RTN4: variants seen among roughly 807,000 people sequenced by gnomAD.
The protein encoded by RTN4 is reticulon-4.
In RTN4, 32 loss-of-function variants were observed where a neutral mutation model predicts 90.4. That is an observed-to-expected ratio of 0.35 (90% CI 0.27 to 0.48). The LOEUF (loss-of-function observed/expected upper bound fraction) is 0.48. Among genes scored for constraint, RTN4 ranks in the 20% least tolerant of loss-of-function variants. The probability of loss-of-function intolerance (pLI) is 0.99; values close to 1 mark genes in which losing one functional copy is unlikely to be tolerated. For synonymous variants in RTN4, 629 were observed against 552.5 expected (o/e 1.14, Z -1.94); for missense variants, 1,706 against 1,430.2 (o/e 1.19, Z -3.11).
chr2:55,076,389 CTTTTTTTTTTTTT>C (rs58070912), intron 2 of RTN4, among the ~76,000 whole-genome samples: 1 of 64,630 alleles, frequency 1.5e-5, no homozygotes, highest in Non-Finnish European at 2.6e-5. Flanking sequence ...TTCTTTTGTT[CTTTTTTTTTTTTT>C]TTTTTTTTTT....
At chr2:54,987,340 G>C (rs952838492) in intron 4 of RTN4, 151 bp downstream of exon 4, 1 of 638,400 alleles carries the variant, frequency 1.6e-6, no homozygotes, top group Non-Finnish European at 2.7e-6. Context: ...AATCTCAAAA[G>C]CAGATGTTTT....
At chr2:54,981,160 T>G (rs1221584284) in intron 5 of RTN4, among the ~76,000 whole-genome samples, 2 of 152,074 alleles carry the variant, frequency 1.3e-5, no homozygotes, top group Non-Finnish European at 2.9e-5. Context: ...TAACTTAAGT[T>G]CCAAGTCATA....
At chr2:55,065,152 TACGGGAG>T (rs1250768667) in intron 2 of RTN4, among the ~76,000 whole-genome samples, 1 of 152,252 alleles carries the variant, frequency 6.6e-6, no homozygotes, top group East Asian at 1.9e-4. Context: ...TTCAGCATTC[TACGGGAG>T]TTTTTTCATA....
chr2:55,060,386 T>C (rs1267739337), intron 2 of RTN4, among the ~76,000 whole-genome samples: 4 of 152,256 alleles, frequency 2.6e-5, no homozygotes, highest in Non-Finnish European at 5.9e-5. Context: ...AGTTGTCATA[T>C]TTCAGTTATA....
the RTN4 span, among the ~76,000 whole-genome samples, chr2:55,119,818 G>C: frequency 6.6e-6 from 1 of 152,184 alleles, no homozygotes; most frequent in Non-Finnish European, 1.5e-5. Flanking sequence ...TAGGGCTGTT[G>C]AGAAAACGGG....
intron 5 of RTN4, among the ~76,000 whole-genome samples, chr2:54,978,834 A>G (rs1677881378): frequency 6.6e-6 from 1 of 152,182 alleles, no homozygotes; most frequent in Admixed American, 6.5e-5. Context: ...CTTCCCATAA[A>G]TTTAAAATCT....
chr2:55,035,404 A>T (rs761574801), intron 1 of RTN4, among the ~76,000 whole-genome samples: 2 of 150,796 alleles, frequency 1.3e-5, no homozygotes, highest in Non-Finnish European at 2.9e-5. Context: ...TGAATCAAAG[A>T]AAATAGGGGG....
At chr2:54,974,867 T>A in intron 5 of RTN4, 103 bp from the exon 6 acceptor site, 1 of 894,410 alleles carries the variant, frequency 1.1e-6, no homozygotes, top group Non-Finnish European at 1.8e-6. Flanking sequence ...ACAAAAGGCA[T>A]ACAACTTGAA....
intron 5 of RTN4, among the ~76,000 whole-genome samples, chr2:54,975,612 CTT>C (rs1472382834): frequency 2.6e-5 from 4 of 152,232 alleles, no homozygotes; most frequent in African/African-American, 9.6e-5. Context: ...ACCACCCACT[CTT>C]AGCTCCCACA....
At position 55,050,198 on chromosome 2, in the gene RTN4, C is replaced by G; in HGVS notation, c.103G>C (p.Glu35Gln). ...YQFVREPEDE[E>Q]EEEEEEEEDE... Reference sequence around the variant, plus strand: ...TCCTCTTCCTCCTCCTCTTCTTCCTCCTCGTCCTCGGGCTCCCTCACGAAC... The same window carrying G: ...TCCTCTTCCTCCTCCTCTTCTTCCTGCTCGTCCTCGGGCTCCCTCACGAAC... Residue 35 changes from glutamate (E) to glutamine (Q), a missense_variant, in exon 1 of 9, where the codon GAG (glutamate) becomes CAG (glutamine). Physicochemically the swap from Glu to Gln is conservative, Grantham distance 29 (BLOSUM62 2). Transcript: ENST00000337526. The surrounding 1 kb of genome is among the most constrained non-coding windows in gnomAD (Gnocchi z 4.6). 1 of 1,570,936 alleles carries G rather than the reference C, an allele frequency of 6.4e-7. No homozygotes were observed. Among genetic ancestry groups the G allele is most frequent in the Non-Finnish European group, 8.6e-7 (1 of 1,163,026 alleles).
chr2:54,995,110 G>A (rs1048896269), intron 3 of RTN4, among the ~76,000 whole-genome samples: 3 of 151,868 alleles, frequency 2.0e-5, no homozygotes, highest in East Asian at 1.9e-4. Context: ...CATGGTGGCC[G>A]GTGCCTGTAA....
At chr2:55,061,323 C>A (rs546688281) in intron 2 of RTN4, among the ~76,000 whole-genome samples, 1 of 152,304 alleles carries the variant, frequency 6.6e-6, no homozygotes, top group Non-Finnish European at 1.5e-5. Flanking sequence ...CATGGCCTCC[C>A]AAAGTGCTGG....
Position 54,974,852 on chromosome 2 carries a change from T to C in RTN4, c.3361-88A>G, listed in dbSNP as rs1677486663. On this transcript the variant is annotated intron_variant, in intron 5 of 8. Coordinates refer to ENST00000337526, the MANE Select transcript of RTN4 (RefSeq NM_020532.5). ...TTCAAAAGCATCCCATCTAAATGCC[T>C]ACCTACAAAAGGCATACAACTTGAA... The C allele has an allele frequency of 9.1e-6, 10 of 1,093,908 alleles. No homozygotes were observed. In the South Asian group the frequency reaches 1.3e-4, roughly 14 times the overall value. The allele number at this position is 1,093,908 out of a possible 1,614,324, so 67.8% of individuals were successfully genotyped here.
intron 1 of RTN4, chr2:55,049,301 T>C: frequency 1.2e-5 from 4 of 343,356 alleles, no homozygotes; most frequent in South Asian, 1.0e-4. Flanking sequence ...CTGCACCTTT[T>C]CCAAAGGAGC....
chr2:55,125,082 CACAAA>C, the RTN4 span, among the ~76,000 whole-genome samples: 2 of 151,984 alleles, frequency 1.3e-5, no homozygotes, highest in African/African-American at 4.8e-5. Context: ...CAGACTGCTG[CACAAA>C]ACAAAAGAAA....
chr2:55,048,274 G>A (rs573723149), intron 1 of RTN4, among the ~76,000 whole-genome samples: 1 of 152,304 alleles, frequency 6.6e-6, no homozygotes, highest in South Asian at 2.1e-4. Context: ...GAAGGCCTAG[G>A]ACATTACCAT....
intron 2 of RTN4, among the ~76,000 whole-genome samples, chr2:55,062,464 G>A (rs1668316328): frequency 6.6e-6 from 1 of 152,186 alleles, no homozygotes; most frequent in Admixed American, 6.5e-5. Flanking sequence ...TGCTCCCCTA[G>A]AGGTTTGAGC....
In RTN4 at chr2:54,972,253, G is replaced by A. The variant is rs1368664683; in HGVS notation, c.*903C>T. On this transcript the variant is annotated 3_prime_UTR_variant, in exon 9 of 9. Transcript: ENST00000337526. ...GTTCACAATGCATTCCACAGATTTA[G>A]TTCAGTACAGCTTAAACCACAATGG... 6.6e-6 allele frequency: 1 copy of A among 152,636 alleles called. No individual in the cohort carries two copies. Among genetic ancestry groups the A allele is most frequent in the Non-Finnish European group, 1.5e-5 (1 of 68,046 alleles). The allele number at this position is 152,636 out of a possible 1,614,324, so 9.5% of individuals were successfully genotyped here.
At chr2:54,978,222 G>A (rs753043603) in intron 5 of RTN4, among the ~76,000 whole-genome samples, 2 of 152,132 alleles carry the variant, frequency 1.3e-5, no homozygotes, top group Non-Finnish European at 2.9e-5. Flanking sequence ...CTGAGGTCAG[G>A]AGTTCGAGAC....
Sources: allele counts gnomAD v4.1 joint callset (sites outside exome capture counted in the v4.1 genomes callset), GRCh38; gene constraint gnomAD v4.1.1; non-coding constraint Gnocchi (gnomAD v3.1); transcripts MANE v1.5; gene names NCBI Gene and HGNC (gene_info 2026-07-23, HGNC 2026-07-21).